The following ARF4 variants were observed in gnomAD, a reference collection of about 807,000 sequenced individuals.
ARF4 encodes ADP-ribosylation factor 4.
Under a neutral mutation model 24.3 loss-of-function variants are expected in ARF4, and 5 were observed. That is an observed-to-expected ratio of 0.21 (90% CI 0.11 to 0.43). ARF4 has a LOEUF of 0.43. Among genes scored for constraint, ARF4 ranks in the 20% least tolerant of loss-of-function variants. ARF4 has a pLI of 1.00. For missense variants in ARF4, 107 were observed against 213.0 expected (o/e 0.50, Z 3.10); for synonymous variants, 62 against 73.5 (o/e 0.84, Z 0.80).
chr3:57,584,033 C>T, intron 2 of ARF4, 26 bp from the exon 3 acceptor site: 3 of 1,434,140 alleles, frequency 2.1e-6, no homozygotes, highest in East Asian at 2.3e-5. Flanking sequence ...AAAATGACCG[C>T]TGTGCAGCGT....
intron 1 of ARF4, among the ~76,000 whole-genome samples, chr3:57,593,455 T>C (rs1344409353): frequency 6.6e-6 from 1 of 152,126 alleles, no homozygotes. Context: ...GTGACAAATA[T>C]AGGATCCTTT....
At chr3:57,586,671 C>T (rs900673270) in intron 1 of ARF4, among the ~76,000 whole-genome samples, 1 of 152,012 alleles carries the variant, frequency 6.6e-6, no homozygotes, top group African/African-American at 2.4e-5. Context: ...AACTGTTATA[C>T]AAGTGTTTTA....
At chr3:57,579,806 C>T (rs1276905429) in intron 3 of ARF4, among the ~76,000 whole-genome samples, 2 of 152,068 alleles carry the variant, frequency 1.3e-5, no homozygotes, top group African/African-American at 4.8e-5. Context: ...CTTTAAATAT[C>T]CTATCCTTTG....
At chr3:57,594,098 A>C (rs1265013464) in intron 1 of ARF4, among the ~76,000 whole-genome samples, 1 of 152,140 alleles carries the variant, frequency 6.6e-6, no homozygotes, top group Non-Finnish European at 1.5e-5. Flanking sequence ...TCTACTAAAA[A>C]TACAAACATT....
chr3:57,596,441 A>G (rs2070183699), intron 1 of ARF4, among the ~76,000 whole-genome samples: 1 of 152,218 alleles, frequency 6.6e-6, no homozygotes, highest in Admixed American at 6.5e-5. Flanking sequence ...CAGTTTTCGG[A>G]GAATGAGATT....
intron 5 of ARF4, among the ~76,000 whole-genome samples, chr3:57,574,806 T>C (rs1160788256): frequency 6.6e-6 from 1 of 151,902 alleles, no homozygotes; most frequent in Non-Finnish European, 1.5e-5. Context: ...ATTGCTTGAG[T>C]CCAGGAGTTC....
chr3:57,588,940 T>G (rs2070070734), intron 1 of ARF4, among the ~76,000 whole-genome samples: 2 of 151,968 alleles, frequency 1.3e-5, no homozygotes, highest in Non-Finnish European at 1.5e-5. Context: ...CCGTCTCTAC[T>G]AAAAATACAA....
At chr3:57,579,917 A>G (rs1333042424) in intron 3 of ARF4, among the ~76,000 whole-genome samples, 2 of 151,978 alleles carry the variant, frequency 1.3e-5, no homozygotes, top group African/African-American at 2.4e-5. Flanking sequence ...CCCTGGGCAG[A>G]GTAAGACCCT....
At chr3:57,577,558 TTTAA>T (rs1358425847) in intron 3 of ARF4, among the ~76,000 whole-genome samples, 171 bp from the exon 4 acceptor site, 1 of 152,224 alleles carries the variant, frequency 6.6e-6, no homozygotes, top group East Asian at 1.9e-4. Flanking sequence ...TATTTGTAAG[TTTAA>T]TTTATTAGTG....
chr3:57,587,223 G>A (rs1010506867), intron 1 of ARF4, among the ~76,000 whole-genome samples: 2 of 151,144 alleles, frequency 1.3e-5, no homozygotes, highest in Non-Finnish European at 2.9e-5. Flanking sequence ...GGAGGCTGAG[G>A]CAGGAGACTC....
chr3:57,589,449 G>A (rs1423119966), intron 1 of ARF4, among the ~76,000 whole-genome samples: 2 of 152,144 alleles, frequency 1.3e-5, no homozygotes, highest in African/African-American at 2.4e-5. Context: ...GCCGGGCCCC[G>A]TGGCTCACAC....
intron 1 of ARF4, among the ~76,000 whole-genome samples, chr3:57,587,727 A>T: frequency 6.6e-6 from 1 of 152,148 alleles, no homozygotes; most frequent in African/African-American, 2.4e-5. Context: ...AAATCATGCA[A>T]CCATTTCTAG....
At chr3:57,573,586 C>T (rs369229115) in intron 5 of ARF4, among the ~76,000 whole-genome samples, 2 of 152,014 alleles carry the variant, frequency 1.3e-5, no homozygotes, top group Non-Finnish European at 2.9e-5. Context: ...ATTGATTGAT[C>T]GACTGATTGT....
chr3:57,586,137 T>G (rs1375135187), intron 1 of ARF4, among the ~76,000 whole-genome samples: 1 of 152,236 alleles, frequency 6.6e-6, no homozygotes, highest in Non-Finnish European at 1.5e-5. Context: ...TCTGCAGTGT[T>G]TGCTAAAGCC....
At chr3:57,572,574 A>AT (rs1375777766) in intron 5 of ARF4, among the ~76,000 whole-genome samples, 1 of 152,118 alleles carries the variant, frequency 6.6e-6, no homozygotes, top group Non-Finnish European at 1.5e-5. Flanking sequence ...AGATTAAATT[A>AT]TTTTTTAAAA....
intron 5 of ARF4, among the ~76,000 whole-genome samples, chr3:57,575,132 G>T (rs531865073): frequency 8.0e-4 from 119 of 149,284 alleles, no homozygotes; most frequent in African/African-American, 2.4e-3. Flanking sequence ...TTACAGGCAT[G>T]AGCCACCGCA....
At chr3:57,596,898 G>C (rs1297491526) in intron 1 of ARF4, 176 bp downstream of exon 1, 4 of 630,256 alleles carry the variant, frequency 6.3e-6, no homozygotes, top group Non-Finnish European at 1.1e-5. Context: ...ATCGGGGGCG[G>C]GGGGGATCGC....
chr3:57,575,197 A>C (rs1426170168), intron 5 of ARF4, among the ~76,000 whole-genome samples: 14 of 152,218 alleles, frequency 9.2e-5, no homozygotes, highest in Non-Finnish European at 7.4e-5. Flanking sequence ...CTGGACCCTT[A>C]ATAAGAAAGC....
chr3:57,575,433 G>T, intron 5 of ARF4, 115 bp downstream of exon 5: 6 of 1,018,648 alleles, frequency 5.9e-6, no homozygotes, highest in East Asian at 3.0e-5. Flanking sequence ...AATAAATGAT[G>T]TGCTCATTAT....
Sources: gnomAD v4.1 joint callset for allele counts (sites outside exome capture counted in the v4.1 genomes callset) on GRCh38, gnomAD v4.1.1 for gene constraint, MANE v1.5 for transcripts, NCBI Gene and HGNC (gene_info 2026-07-23, HGNC 2026-07-21) for gene names.